The following EBF1 variants were observed in gnomAD, a reference collection of about 807,000 sequenced individuals.
EBF1 encodes the protein EBF transcription factor 1, also known as transcription factor COE1.
In EBF1, 10 loss-of-function variants were observed where a neutral mutation model predicts 68.4. That is an observed-to-expected ratio of 0.15 (90% CI 0.09 to 0.25). EBF1 has a LOEUF of 0.25. EBF1 is among the 10% of genes least tolerant of loss of function. The pLI is 1.00. For synonymous variants in EBF1, 298 were observed against 299.8 expected (o/e 0.99, Z 0.06); for missense variants, 509 against 794.4 (o/e 0.64, Z 4.32).
chr5:159,050,081 A>G (rs1362269711), intron 6 of EBF1, among the ~76,000 whole-genome samples: 2 of 152,150 alleles, frequency 1.3e-5, no homozygotes, highest in African/African-American at 4.8e-5. Flanking sequence ...GGCAAGGAGT[A>G]TGTCAAGAAA....
rs1223045801 is a variant in EBF1, at chr5:158,803,361, T to G, written c.779-6886A>C. ...ATGCTTGTTTTTGCTGGTGTTTTTT[T>G]TTTTTTTTTTTCAGTGAATGATGAC... On this transcript the variant is annotated intron_variant, in intron 8 of 15. Coordinates refer to ENST00000313708, the MANE Select transcript of EBF1 (RefSeq NM_024007.5). Among the ~76,000 whole-genome samples the G allele has an allele frequency of 2.9e-3, 436 of 151,560 alleles. 6 individuals carry two copies. The highest frequency in any genetic ancestry group is 0.01 in the African/African-American group (415 of 41,386).
intron 6 of EBF1, among the ~76,000 whole-genome samples, chr5:159,043,365 A>G (rs1457291765): frequency 6.6e-6 from 1 of 152,156 alleles, no homozygotes; most frequent in Non-Finnish European, 1.5e-5. Flanking sequence ...ATATCATATC[A>G]TCCTCCTGCC....
intron 5 of EBF1, among the ~76,000 whole-genome samples, chr5:159,074,807 T>TAGCC (rs1413143593): frequency 6.6e-6 from 1 of 152,208 alleles, no homozygotes; most frequent in Non-Finnish European, 1.5e-5. Flanking sequence ...GTCTACCTTA[T>TAGCC]AGCCTTTCAC....
At position 158,697,479 on chromosome 5, in the gene EBF1, CA is replaced by C. The variant is rs1243407605; in HGVS notation, c.*1631del. 9.6e-6 allele frequency: 2 copies of C among 208,874 alleles called. No individual in the cohort carries two copies. Among genetic ancestry groups the C allele is most frequent in the African/African-American group, 4.6e-5 (2 of 43,878 alleles). The allele number at this position is 208,874 out of a possible 1,614,324, so 12.9% of individuals were successfully genotyped here. On this transcript the variant is annotated 3_prime_UTR_variant, in exon 16 of 16. Transcript: ENST00000313708. ...AAACAAATACGCACTTTTCACGTAG[CA>C]AACATACACAATAAAATAAATTGGG...
chr5:159,026,134 C>G (rs1269102464), intron 6 of EBF1, among the ~76,000 whole-genome samples: 2 of 152,276 alleles, frequency 1.3e-5, no homozygotes, highest in East Asian at 1.9e-4. Context: ...GCCCGTCAAG[C>G]TGGATCTTAT....
intron 6 of EBF1, among the ~76,000 whole-genome samples, chr5:158,939,056 T>A (rs1156834716): frequency 6.6e-6 from 1 of 152,210 alleles, no homozygotes; most frequent in South Asian, 2.1e-4. Context: ...TATTTTCTGC[T>A]GTAATTTCAA....
chr5:158,724,159 G>A (rs1762500673), intron 11 of EBF1, among the ~76,000 whole-genome samples: 1 of 152,120 alleles, frequency 6.6e-6, no homozygotes, highest in Non-Finnish European at 1.5e-5. Context: ...ACAAGAGAAT[G>A]CAGAGATGTT....
At chr5:158,902,606 T>TATTATTATTATTATC (rs1194742585) in intron 6 of EBF1, among the ~76,000 whole-genome samples, 1 of 148,570 alleles carries the variant, frequency 6.7e-6, no homozygotes, top group Non-Finnish European at 1.5e-5. Context: ...TTATTATTAT[T>TATTATTATTATTATC]ATTATTATTA....
At chr5:159,003,439 G>C (rs940181243) in intron 6 of EBF1, among the ~76,000 whole-genome samples, 1 of 148,494 alleles carries the variant, frequency 6.7e-6, no homozygotes, top group African/African-American at 2.5e-5. Flanking sequence ...CCACTAGAAG[G>C]CACAGGAAAC....
At chr5:158,858,060 C>T (rs1186441247) in intron 6 of EBF1, among the ~76,000 whole-genome samples, 3 of 152,092 alleles carry the variant, frequency 2.0e-5, no homozygotes, top group South Asian at 2.1e-4. Context: ...TTTGAATAAG[C>T]ATAAAAGGTG....
chr5:159,039,245 T>C (rs1770713751), intron 6 of EBF1, among the ~76,000 whole-genome samples: 1 of 152,222 alleles, frequency 6.6e-6, no homozygotes, highest in Non-Finnish European at 1.5e-5. Flanking sequence ...TTTTACACTT[T>C]TGTATAACTC....
At chr5:158,808,030 C>T (rs12332420) in intron 8 of EBF1, among the ~76,000 whole-genome samples, 3 of 152,112 alleles carry the variant, frequency 2.0e-5, no homozygotes, top group African/African-American at 4.8e-5. Flanking sequence ...TTATTCAGAG[C>T]CTTATCATTT....
intron 6 of EBF1, among the ~76,000 whole-genome samples, chr5:159,021,208 G>T (rs922101710): frequency 6.6e-6 from 1 of 152,116 alleles, no homozygotes; most frequent in East Asian, 1.9e-4. Context: ...GTATCCTGTT[G>T]TTTGGGCATT....
At chr5:158,922,954 AAAGT>A (rs1310082216) in intron 6 of EBF1, among the ~76,000 whole-genome samples, 11 of 152,358 alleles carry the variant, frequency 7.2e-5, no homozygotes, top group African/African-American at 2.6e-4. Context: ...TTGTATCTGC[AAAGT>A]AAGAAGTAAG....
At chr5:158,868,127 C>T (rs1203599737) in intron 6 of EBF1, among the ~76,000 whole-genome samples, 2 of 151,374 alleles carry the variant, frequency 1.3e-5, no homozygotes, top group Non-Finnish European at 2.9e-5. Flanking sequence ...AAAATGGCTC[C>T]TATTCATTTT....
chr5:158,908,706 C>A (rs1215004787), intron 6 of EBF1, among the ~76,000 whole-genome samples: 1 of 152,222 alleles, frequency 6.6e-6, no homozygotes, highest in African/African-American at 2.4e-5. Flanking sequence ...TTTGCACCTC[C>A]AAACACAAAT....
At chr5:158,739,960 T>C (rs1765957713) in intron 10 of EBF1, among the ~76,000 whole-genome samples, 1 of 152,190 alleles carries the variant, frequency 6.6e-6, no homozygotes, top group African/African-American at 2.4e-5. Context: ...ATTTAACACA[T>C]CTTGTTTTCA....
chr5:158,747,702 G>A (rs1767899579), intron 10 of EBF1, among the ~76,000 whole-genome samples: 1 of 152,168 alleles, frequency 6.6e-6, no homozygotes, highest in Non-Finnish European at 1.5e-5. Context: ...ACAACATGCT[G>A]TGACTTTACC....
chr5:159,070,633 G>C (rs890545578), intron 6 of EBF1, among the ~76,000 whole-genome samples: 1 of 152,152 alleles, frequency 6.6e-6, no homozygotes, highest in African/African-American at 2.4e-5. Context: ...AAAAATAGTA[G>C]TGTTCTCCCA....
Sources: gnomAD v4.1 joint callset for allele counts (sites outside exome capture counted in the v4.1 genomes callset) on GRCh38, gnomAD v4.1.1 for gene constraint, MANE v1.5 for transcripts, NCBI Gene and HGNC (gene_info 2026-07-23, HGNC 2026-07-21) for gene names.